The following NKAIN3 variants were observed in gnomAD, a reference collection of about 807,000 sequenced individuals.
NKAIN3 encodes the protein sodium/potassium-transporting ATPase subunit beta-1-interacting protein 3.
A neutral mutation model predicts 30.2 loss-of-function variants in NKAIN3; 25 were observed. The ratio of observed to expected loss-of-function variants is 0.83; its 90% CI spans 0.60 to 1.16. NKAIN3 has a LOEUF of 1.16. Among genes scored for constraint, NKAIN3 ranks in the 50% most tolerant of loss-of-function variants. The probability of loss-of-function intolerance (pLI) is 0.00; values close to 1 mark genes in which losing one functional copy is unlikely to be tolerated. For synonymous variants in NKAIN3, 91 were observed against 89.6 expected (o/e 1.02, Z -0.09); for missense variants, 225 against 254.1 (o/e 0.89, Z 0.78).
At chr8:62,586,082 G>A (rs931625515) in intron 2 of NKAIN3, among the ~76,000 whole-genome samples, 2 of 152,140 alleles carry the variant, frequency 1.3e-5, no homozygotes, top group African/African-American at 4.8e-5. Context: ...TTAAAAATTT[G>A]TAAAGGGTCA....
chr8:62,884,921 C>T (rs886690055), intron 4 of NKAIN3, among the ~76,000 whole-genome samples: 6 of 151,676 alleles, frequency 4.0e-5, no homozygotes, highest in African/African-American at 1.2e-4. Context: ...TATTTCTATT[C>T]AATAGCTTCC....
At chr8:62,354,401 A>C (rs1263566617) in intron 1 of NKAIN3, among the ~76,000 whole-genome samples, 3 of 152,186 alleles carry the variant, frequency 2.0e-5, no homozygotes, top group East Asian at 1.9e-4. Context: ...CTGGTAGAAA[A>C]TGCAAGACTC....
chr8:62,801,459 A>G (rs1313567454), intron 4 of NKAIN3, among the ~76,000 whole-genome samples: 4 of 152,204 alleles, frequency 2.6e-5, no homozygotes, highest in Admixed American at 2.6e-4. Flanking sequence ...TTCGCAGTTC[A>G]TGAAAACCCG....
intron 3 of NKAIN3, among the ~76,000 whole-genome samples, chr8:62,628,849 C>T (rs935620066): frequency 6.6e-6 from 1 of 152,110 alleles, no homozygotes; most frequent in African/African-American, 2.4e-5. Flanking sequence ...GGATAGCAAC[C>T]TCTATGAGGG....
intron 3 of NKAIN3, among the ~76,000 whole-genome samples, chr8:62,707,700 C>T (rs2130484979): frequency 6.6e-6 from 1 of 152,142 alleles, no homozygotes; most frequent in Admixed American, 6.5e-5. Flanking sequence ...CCGACTGTTC[C>T]TTTTGCTATG....
At chr8:62,877,964 C>G (rs189044893) in intron 4 of NKAIN3, among the ~76,000 whole-genome samples, 1 of 146,884 alleles carries the variant, frequency 6.8e-6, no homozygotes, top group Non-Finnish European at 1.5e-5. Flanking sequence ...CACTTGAACC[C>G]GAGAGGCAGA....
Position 62,966,242 on chromosome 8 carries a change from A to C in NKAIN3, c.*835A>C. On this transcript the variant is annotated 3_prime_UTR_variant, in exon 7 of 7. Transcript: ENST00000623646. ...ACCTGCAGTCAGGAACTTTTCTCTT[A>C]GGATATTCAAAAGAAGCCTGAAAAT... is the stretch of plus-strand genomic sequence containing the variant. 1.0e-6 allele frequency: 1 copy of C among 985,222 alleles called. No individual in the cohort carries two copies. Among genetic ancestry groups the C allele is most frequent in the Non-Finnish European group, 1.2e-6 (1 of 829,782 alleles). The allele number at this position is 985,222 out of a possible 1,614,324, so 61.0% of individuals were successfully genotyped here.
intron 1 of NKAIN3, among the ~76,000 whole-genome samples, chr8:62,466,275 T>C (rs1215263614): frequency 6.6e-6 from 1 of 152,196 alleles, no homozygotes; most frequent in African/African-American, 2.4e-5. Flanking sequence ...TGAAAATTAT[T>C]TTATATGACC....
intron 1 of NKAIN3, among the ~76,000 whole-genome samples, chr8:62,335,448 AAAAG>A (rs1243639604): frequency 1.3e-4 from 20 of 150,532 alleles, no homozygotes; most frequent in African/African-American, 4.9e-4. Flanking sequence ...AAAAAAAAAA[AAAAG>A]AAAGAAAGAA....
chr8:62,734,149 G>A (rs189096322), intron 3 of NKAIN3, among the ~76,000 whole-genome samples: 1 of 152,184 alleles, frequency 6.6e-6, no homozygotes. Context: ...CAAGTGTGGT[G>A]GTGCACAACC....
intron 3 of NKAIN3, among the ~76,000 whole-genome samples, chr8:62,715,968 A>G (rs746867267): frequency 6.6e-6 from 1 of 152,224 alleles, no homozygotes; most frequent in Non-Finnish European, 1.5e-5. Flanking sequence ...AGGGGTGTTT[A>G]GAGAACAGGG....
At chr8:62,903,513 T>A (rs1821673327) in intron 4 of NKAIN3, among the ~76,000 whole-genome samples, 1 of 151,986 alleles carries the variant, frequency 6.6e-6, no homozygotes, top group Non-Finnish European at 1.5e-5. Flanking sequence ...TAGGCCTGGG[T>A]GACAGTTGCA....
At chr8:62,913,168 T>G (rs1035008744) in intron 4 of NKAIN3, among the ~76,000 whole-genome samples, 1 of 151,244 alleles carries the variant, frequency 6.6e-6, no homozygotes, top group Non-Finnish European at 1.5e-5. Flanking sequence ...TTTTTTTAGA[T>G]AGAAGGACTA....
At chr8:62,877,714 A>T (rs566513598) in intron 4 of NKAIN3, among the ~76,000 whole-genome samples, 176 of 152,304 alleles carry the variant, frequency 1.2e-3, no homozygotes, top group African/African-American at 4.1e-3. Flanking sequence ...GCTTATTTTC[A>T]TATGAATTGA....
At chr8:62,863,787 C>T in intron 4 of NKAIN3, 1 of 1,611,312 alleles carries the variant, frequency 6.2e-7, no homozygotes. Flanking sequence ...GAGAAGTGCC[C>T]CCATCCAAGC....
chr8:62,763,485 TC>T (rs1300953540), intron 4 of NKAIN3, among the ~76,000 whole-genome samples: 1 of 152,140 alleles, frequency 6.6e-6, no homozygotes, highest in Non-Finnish European at 1.5e-5. Flanking sequence ...TGTAAACAGC[TC>T]TTTCATTTAA....
chr8:62,370,598 A>ATAAACGGAAAAATCTTCTT (rs1236500662), intron 1 of NKAIN3, among the ~76,000 whole-genome samples: 1 of 152,022 alleles, frequency 6.6e-6, no homozygotes, highest in Non-Finnish European at 1.5e-5. Context: ...TTTGGCTGTT[A>ATAAACGGAAAAATCTTCTT]TAAACGGAAA....
At chr8:62,718,165 C>A in intron 3 of NKAIN3, among the ~76,000 whole-genome samples, 1 of 152,158 alleles carries the variant, frequency 6.6e-6, no homozygotes, top group East Asian at 1.9e-4. Flanking sequence ...TCAATTACCT[C>A]CCACTGGGTC....
intron 1 of NKAIN3, among the ~76,000 whole-genome samples, chr8:62,254,377 G>A (rs1484620044): frequency 6.6e-6 from 1 of 152,126 alleles, no homozygotes; most frequent in Non-Finnish European, 1.5e-5. Flanking sequence ...AGCCCTGGAT[G>A]AGATCACCTT....
Sources: gnomAD v4.1 joint callset for allele counts (sites outside exome capture counted in the v4.1 genomes callset) on GRCh38, gnomAD v4.1.1 for gene constraint, MANE v1.5 for transcripts, NCBI Gene and HGNC (gene_info 2026-07-23, HGNC 2026-07-21) for gene names.